PCDH10: variants seen among roughly 807,000 people sequenced by gnomAD.
PCDH10 encodes the protein protocadherin 10.
A neutral mutation model predicts 74.4 loss-of-function variants in PCDH10; 15 were observed. The observed-to-expected ratio is 0.20, with a 90% CI of 0.13 to 0.31. PCDH10 has a LOEUF of 0.31. PCDH10 is among the 10% of genes least tolerant of loss of function. The probability of loss-of-function intolerance (pLI) is 1.00; values close to 1 mark genes in which losing one functional copy is unlikely to be tolerated. For synonymous variants in PCDH10, 619 were observed against 589.8 expected, an observed-to-expected ratio of 1.05 and a Z score of -0.72; for missense variants, 1,260 against 1,390.2, an observed-to-expected ratio of 0.91 and a Z score of 1.49.
intron 4 of PCDH10, among the ~76,000 whole-genome samples, chr4:133,171,326 A>G (rs1727199909): frequency 6.6e-6 from 1 of 152,186 alleles, no homozygotes; most frequent in Admixed American, 6.6e-5. Context: ...TATTCCATAA[A>G]AACATATTTT....
At chr4:133,156,759 A>G (rs1331556048) in intron 3 of PCDH10, among the ~76,000 whole-genome samples, 5 of 152,206 alleles carry the variant, frequency 3.3e-5, no homozygotes. Flanking sequence ...TGAACATTTC[A>G]ATTAGTTTAG....
rs1475185649 is a variant in PCDH10, at chr4:133,191,012, A to G, written c.*852A>G. Reference sequence around the variant, plus strand: ...AAACTCATATTGAATTTTCAATGCCAAAGATGTAGCTATTGATGTTATCAG... The same window carrying G: ...AAACTCATATTGAATTTTCAATGCCGAAGATGTAGCTATTGATGTTATCAG... On this transcript the variant is annotated 3_prime_UTR_variant, in exon 5 of 5. Coordinates refer to ENST00000264360, the MANE Select transcript of PCDH10 (RefSeq NM_032961.3). 1 of 152,380 alleles carries G rather than the reference A, an allele frequency of 6.6e-6. No homozygotes were observed. The highest frequency in any genetic ancestry group is 1.9e-4 in the East Asian group (1 of 5,190). 9.4% of individuals were successfully genotyped at this position (152,380 alleles called of 1,614,324 possible).
In PCDH10 at chr4:133,202,312, A is replaced by G. The variant is rs577840728; in HGVS notation, n.438-5764A>G. ...CCAGGGGTTCTATTTGCCAGTTAGT[A>G]GCTTAAATAGGAATTCTTTGAGGAT... On this transcript the variant is annotated intron_variant and non_coding_transcript_variant, in intron 2 of 2. Coordinates refer to the PCDH10 transcript ENST00000511112. Among the ~76,000 whole-genome samples, 8 of 152,302 alleles carry G rather than the reference A, an allele frequency of 5.3e-5. No individual in the cohort carries two copies. In the East Asian group the frequency reaches 1.5e-3, roughly 29 times the overall value.
At chr4:133,166,156 A>G (rs1727076388) in intron 4 of PCDH10, among the ~76,000 whole-genome samples, 1 of 151,616 alleles carries the variant, frequency 6.6e-6, no homozygotes, top group Admixed American at 6.6e-5. Context: ...GATATGGAGC[A>G]AAGGGATACA....
intron 4 of PCDH10, among the ~76,000 whole-genome samples, chr4:133,179,776 A>G (rs978063733): frequency 1.3e-5 from 2 of 152,114 alleles, no homozygotes. Context: ...TAAGGGTCCC[A>G]TGTTCCATAA....
At position 133,193,262 on chromosome 4, in the gene PCDH10, T is replaced by C. The variant is rs1727719109; in HGVS notation, c.*3102T>C. 6.6e-6 allele frequency: 1 copy of C among 151,730 alleles called. No individual in the cohort carries two copies. The highest frequency in any genetic ancestry group is 2.1e-4 in the South Asian group (1 of 4,834). 9.4% of individuals were successfully genotyped at this position (151,730 alleles called of 1,614,324 possible). A position where few individuals can be genotyped will look rare whatever the true frequency, so the allele number is the denominator to read the frequency against. On this transcript the variant is annotated 3_prime_UTR_variant, in exon 5 of 5. Transcript: ENST00000264360. ...GAATTACTTCACAGATATAATAGCGTCAATGATATATGTATCATCTTTTCT... is the reference window on the plus strand; with the variant it reads ...GAATTACTTCACAGATATAATAGCGCCAATGATATATGTATCATCTTTTCT...
intron 2 of PCDH10, chr4:133,208,021 T>C (rs1176345542): frequency 3.3e-5 from 5 of 152,184 alleles, no homozygotes; most frequent in Non-Finnish European, 5.9e-5. Context: ...TGCTATTGTT[T>C]CCATTTTGAG....
At chr4:133,170,041 C>T (rs1455404805) in intron 4 of PCDH10, among the ~76,000 whole-genome samples, 1 of 151,932 alleles carries the variant, frequency 6.6e-6, no homozygotes, top group Non-Finnish European at 1.5e-5. Context: ...AATAAGACTT[C>T]CTAGTCACCG....
intron 2 of PCDH10, among the ~76,000 whole-genome samples, chr4:133,201,686 G>T (rs1364459935): frequency 6.6e-6 from 1 of 151,728 alleles, no homozygotes; most frequent in African/African-American, 2.4e-5. Flanking sequence ...GAGAAACCCC[G>T]TCTCTACTAA....
intron 3 of PCDH10, among the ~76,000 whole-genome samples, chr4:133,162,003 C>A (rs1025145172): frequency 6.6e-5 from 10 of 152,114 alleles, no homozygotes; most frequent in African/African-American, 1.9e-4. Context: ...CTTGAAAATT[C>A]TTATGCTTTG....
intron 2 of PCDH10, among the ~76,000 whole-genome samples, chr4:133,200,851 T>C (rs1727894649): frequency 6.6e-6 from 1 of 152,218 alleles, no homozygotes; most frequent in Admixed American, 6.5e-5. Context: ...AGTAGTGATA[T>C]TTGAAAATAT....
chr4:133,152,615 G>C lies in PCDH10; in HGVS notation c.2475G>C (p.Leu825=), dbSNP rs370528128. 101 of 1,614,032 alleles carry C rather than the reference G, an allele frequency of 6.3e-5. No individual in the cohort carries two copies. The highest frequency in any genetic ancestry group is 8.6e-5 in the Non-Finnish European group (101 of 1,180,040). ...HNQNYCYQVC[L]TPESAKTDLM... is the part of the protein sequence containing the mutation. ...AGAATTACTGCTATCAGGTATGCCT[G>C]ACCCCTGAGTCCGCCAAGACCGACC... is the stretch of plus-strand genomic sequence containing the variant. The change falls in exon 1 of 5, where the codon CTG becomes CTC. Residue 825 remains leucine, a synonymous_variant. Coordinates refer to ENST00000264360, the MANE Select transcript of PCDH10 (RefSeq NM_032961.3).
intron 4 of PCDH10, among the ~76,000 whole-genome samples, chr4:133,183,838 C>A (rs990659012): frequency 6.6e-6 from 1 of 152,094 alleles, no homozygotes; most frequent in Non-Finnish European, 1.5e-5. Flanking sequence ...GTTGCTAGAA[C>A]GAGAATGTCT....
At chr4:133,190,078 T>A in intron 4 of PCDH10, 63 bp from the exon 5 acceptor site, 1 of 1,308,744 alleles carries the variant, frequency 7.6e-7, no homozygotes, top group South Asian at 1.2e-5. Context: ...TACAATAATG[T>A]GTAATTCTAA....
chr4:133,151,072 A>C lies in PCDH10; in HGVS notation c.932A>C (p.Glu311Ala). ...FGLSPRTGRL[E>A]VSGELDYEES... is the part of the protein sequence containing the mutation. ...CTCTCGCCGCGCACTGGCAGACTGG[A>C]GGTAAGCGGCGAGTTGGACTATGAA... is the stretch of plus-strand genomic sequence containing the variant. The change falls in exon 1 of 5, where the codon GAG becomes GCG. Residue 311 changes from glutamate to alanine, a missense_variant. Physicochemically the swap from Glu to Ala is moderately radical, Grantham distance 107 (BLOSUM62 -1). This residue lies in a region of PCDH10 where 192 missense variants were observed against 161.2 expected (regional missense o/e 1.19). Coordinates refer to ENST00000264360, the MANE Select transcript of PCDH10 (RefSeq NM_032961.3). 6.2e-7 allele frequency: 1 copy of C among 1,614,040 alleles called. No homozygotes were observed.
intron 4 of PCDH10, among the ~76,000 whole-genome samples, chr4:133,170,751 G>A (rs1727185989): frequency 6.6e-6 from 1 of 152,204 alleles, no homozygotes; most frequent in Non-Finnish European, 1.5e-5. Context: ...GGAGTGCAGT[G>A]GTGCGATCTT....
chr4:133,180,545 A>G (rs1394072082), intron 4 of PCDH10, among the ~76,000 whole-genome samples: 1 of 151,884 alleles, frequency 6.6e-6, no homozygotes, highest in Non-Finnish European at 1.5e-5. Context: ...TTATTATGAG[A>G]TATGTAGGTA....
chr4:133,169,123 C>T (rs1727148692), intron 4 of PCDH10, among the ~76,000 whole-genome samples: 2 of 151,690 alleles, frequency 1.3e-5, no homozygotes, highest in South Asian at 4.1e-4. Flanking sequence ...ATTTTAATTA[C>T]ACCCCATTCT....
intron 2 of PCDH10, among the ~76,000 whole-genome samples, chr4:133,201,596 C>T (rs955332938): frequency 6.6e-6 from 1 of 152,064 alleles, no homozygotes; most frequent in Non-Finnish European, 1.5e-5. Flanking sequence ...GTGGCTCACA[C>T]CTGTAATCCC....
Sources: gnomAD v4.1 joint callset for allele counts (sites outside exome capture counted in the v4.1 genomes callset) on GRCh38, gnomAD v4.1.1 for gene constraint, gnomAD v4.1.1 regional missense constraint, MANE v1.5 for transcripts, NCBI Gene and HGNC (gene_info 2026-07-23, HGNC 2026-07-21) for gene names.